PTPRD: variants seen among roughly 807,000 people sequenced by gnomAD.
PTPRD encodes the protein receptor-type tyrosine-protein phosphatase delta.
A neutral mutation model predicts 214.5 loss-of-function variants in PTPRD; 34 were observed. The observed-to-expected ratio is 0.16, with a 90% CI of 0.12 to 0.21. The LOEUF (loss-of-function observed/expected upper bound fraction) is 0.21. Ranked by LOEUF, PTPRD falls within the 10% of genes least tolerant of loss-of-function variation. The probability of loss-of-function intolerance (pLI) is 1.00; values close to 1 mark genes in which losing one functional copy is unlikely to be tolerated. For synonymous variants in PTPRD, 1,128 were observed against 845.7 expected, an observed-to-expected ratio of 1.33 and a Z score of -5.79; for missense variants, 2,545 against 2,398.7, an observed-to-expected ratio of 1.06 and a Z score of -1.27.
intron 4 of PTPRD, among the ~76,000 whole-genome samples, chr9:9,948,775 G>C (rs569515438): frequency 2.6e-5 from 4 of 152,110 alleles, no homozygotes; most frequent in Middle Eastern, 3.4e-3. Context: ...CCAATAAATA[G>C]GTAGTATTAT....
intron 12 of PTPRD, among the ~76,000 whole-genome samples, chr9:8,697,916 C>T (rs761787841): frequency 3.3e-5 from 5 of 152,108 alleles, no homozygotes; most frequent in Non-Finnish European, 7.3e-5. Flanking sequence ...CCTAATTTTC[C>T]ATCCACTGCC....
intron 10 of PTPRD, among the ~76,000 whole-genome samples, chr9:9,165,751 A>G (rs1224060822): frequency 6.6e-6 from 1 of 152,206 alleles, no homozygotes; most frequent in Non-Finnish European, 1.5e-5. Context: ...GTCAATAACC[A>G]ATAGTCAATG....
intron 4 of PTPRD, among the ~76,000 whole-genome samples, chr9:10,001,128 G>GT (rs2096300066): frequency 3.3e-5 from 5 of 151,736 alleles, no homozygotes; most frequent in Admixed American, 3.3e-4. Context: ...ACCACTCCAC[G>GT]TGTGTCTCTG....
At chr9:8,991,210 C>G (rs2099365233) in intron 11 of PTPRD, among the ~76,000 whole-genome samples, 1 of 145,226 alleles carries the variant, frequency 6.9e-6, no homozygotes, top group African/African-American at 2.6e-5. Context: ...CAGAGTGACA[C>G]TCTGTCTCAA....
chr9:9,432,616 G>A (rs973831986), intron 8 of PTPRD, among the ~76,000 whole-genome samples: 2 of 152,158 alleles, frequency 1.3e-5, no homozygotes, highest in Non-Finnish European at 2.9e-5. Context: ...ACCCAACAGT[G>A]CAGACCCATG....
At chr9:9,724,153 T>A (rs1273873117) in intron 7 of PTPRD, among the ~76,000 whole-genome samples, 1 of 152,194 alleles carries the variant, frequency 6.6e-6, no homozygotes, top group African/African-American at 2.4e-5. Context: ...GACTTCTAGT[T>A]TCAGTACAGT....
At chr9:10,020,386 C>T (rs2096825931) in intron 4 of PTPRD, among the ~76,000 whole-genome samples, 1 of 148,258 alleles carries the variant, frequency 6.7e-6, no homozygotes, top group East Asian at 2.0e-4. Context: ...ACTGCGACCT[C>T]CACTTCTCGG....
chr9:9,252,091 C>T (rs891796859), intron 9 of PTPRD, among the ~76,000 whole-genome samples: 7 of 151,946 alleles, frequency 4.6e-5, no homozygotes, highest in Admixed American at 3.3e-4. Flanking sequence ...TAACATGGTG[C>T]CACAATACTC....
chr9:9,425,244 G>A (rs1022056970), intron 8 of PTPRD, among the ~76,000 whole-genome samples: 1 of 151,896 alleles, frequency 6.6e-6, no homozygotes, highest in African/African-American at 2.4e-5. Context: ...GTCATCAGGA[G>A]AGACATACCA....
chr9:9,041,871 A>C (rs2099640919), intron 10 of PTPRD, among the ~76,000 whole-genome samples: 1 of 152,196 alleles, frequency 6.6e-6, no homozygotes, highest in Non-Finnish European at 1.5e-5. Flanking sequence ...TAGGAAAAAT[A>C]AAAGTTTACA....
At chr9:8,319,690 A>G in intron 45 of PTPRD, 141 bp downstream of exon 45, 1 of 990,802 alleles carries the variant, frequency 1.0e-6, no homozygotes, top group Non-Finnish European at 1.5e-6. Flanking sequence ...AAGGGGGAAA[A>G]TGAGGTTCAA....
At chr9:9,663,215 T>C (rs911041881) in intron 7 of PTPRD, among the ~76,000 whole-genome samples, 1 of 151,414 alleles carries the variant, frequency 6.6e-6, no homozygotes, top group Non-Finnish European at 1.5e-5. Context: ...AATCTCCACA[T>C]TACTCAGTAG....
chr9:8,596,870 A>G (rs781731696), intron 14 of PTPRD, among the ~76,000 whole-genome samples: 2 of 152,090 alleles, frequency 1.3e-5, no homozygotes, highest in Non-Finnish European at 2.9e-5. Context: ...TTAAGGTGCT[A>G]TGGTTGGACT....
Position 9,434,265 on chromosome 9 carries a change from G to C in PTPRD, c.-236-36783C>G, listed in dbSNP as rs544297830. On this transcript the variant is annotated intron_variant, in intron 8 of 45. Transcript: ENST00000381196. ...AGAATAAAAACAATCTTAACCTTAG[G>C]GTTCTCTGTATTTAAAATAGCTTAT... Among the ~76,000 whole-genome samples the C allele has an allele frequency of 4.6e-5, 7 of 152,118 alleles. No homozygotes were observed. In the East Asian group the frequency reaches 1.4e-3, roughly 29 times the overall value.
intron 12 of PTPRD, among the ~76,000 whole-genome samples, chr9:8,663,083 T>G (rs1332815346): frequency 1.3e-5 from 2 of 152,162 alleles, no homozygotes; most frequent in East Asian, 1.9e-4. Context: ...CAAATACTTT[T>G]TATTTTATCA....
chr9:8,789,594 A>T (rs2096138572), intron 11 of PTPRD, among the ~76,000 whole-genome samples: 1 of 152,154 alleles, frequency 6.6e-6, no homozygotes. Flanking sequence ...TGGCAATGTA[A>T]ATGCCACTGG....
intron 8 of PTPRD, among the ~76,000 whole-genome samples, chr9:9,401,597 A>G (rs1236975500): frequency 3.8e-5 from 2 of 52,176 alleles, no homozygotes; most frequent in Non-Finnish European, 7.7e-5. Flanking sequence ...TCCAAATGTT[A>G]TATCTTATTT....
At chr9:9,081,043 A>C (rs1383082379) in intron 10 of PTPRD, among the ~76,000 whole-genome samples, 4 of 151,142 alleles carry the variant, frequency 2.6e-5, no homozygotes, top group Non-Finnish European at 4.4e-5. Context: ...CTAGCTTTTG[A>C]ATTTGTTTGC....
chr9:9,651,427 T>C (rs1221657305), intron 7 of PTPRD, among the ~76,000 whole-genome samples: 1 of 152,156 alleles, frequency 6.6e-6, no homozygotes, highest in Non-Finnish European at 1.5e-5. Context: ...TTAGGGAGTG[T>C]TGTTCCCCTC....
Sources: allele counts gnomAD v4.1 joint callset (sites outside exome capture counted in the v4.1 genomes callset), GRCh38; gene constraint gnomAD v4.1.1; transcripts MANE v1.5; gene names NCBI Gene and HGNC (gene_info 2026-07-23, HGNC 2026-07-21).